The following CENPP variants were observed in gnomAD, a reference collection of about 807,000 sequenced individuals.
The protein encoded by CENPP is centromere protein P.
CENPP carries 24 observed loss-of-function variants against 35.6 expected under a neutral mutation model. That is an observed-to-expected ratio of 0.67 (90% CI 0.49 to 0.95). The LOEUF (loss-of-function observed/expected upper bound fraction) is 0.95, where lower values mean the gene tolerates loss of function less well. CENPP is among the 40% of genes least tolerant of loss of function. The probability of loss-of-function intolerance (pLI) is 0.00; values close to 1 mark genes in which losing one functional copy is unlikely to be tolerated. For synonymous variants in CENPP, 120 were observed against 125.5 expected (o/e 0.96, Z 0.29); for missense variants, 332 against 345.3 (o/e 0.96, Z 0.31).
At chr9:92,464,953 TC>T in intron 5 of CENPP, 1 of 1,613,602 alleles carries the variant, frequency 6.2e-7, no homozygotes, top group Non-Finnish European at 8.5e-7. Context: ...CTTCTGCAAT[TC>T]TGATATGGAA....
chr9:92,474,947 T>C, intron 5 of CENPP: 16 of 1,521,506 alleles, frequency 1.1e-5, no homozygotes, highest in Non-Finnish European at 1.2e-5. Context: ...CATGGGATAT[T>C]AAATTTAAAT....
intron 5 of CENPP, among the ~76,000 whole-genome samples, chr9:92,466,049 T>C (rs1307229441): frequency 6.6e-6 from 1 of 152,124 alleles, no homozygotes. Context: ...GCCAGGCTAG[T>C]CTCAAACTCC....
At chr9:92,394,319 T>G (rs1842803045) in intron 5 of CENPP, among the ~76,000 whole-genome samples, 1 of 152,078 alleles carries the variant, frequency 6.6e-6, no homozygotes, top group Non-Finnish European at 1.5e-5. Flanking sequence ...CTTGGCTCAT[T>G]GCAACCTCCA....
intron 5 of CENPP, chr9:92,417,655 A>G: frequency 1.3e-6 from 1 of 774,314 alleles, no homozygotes; most frequent in South Asian, 1.9e-5. Context: ...CAGTTATATG[A>G]AATGTATTAT....
At chr9:92,602,726 C>G (rs1447470282) in intron 5 of CENPP, among the ~76,000 whole-genome samples, 22 of 152,180 alleles carry the variant, frequency 1.4e-4, no homozygotes, top group Admixed American at 1.4e-3. Context: ...GGTACCATGT[C>G]TCAGCATGGC....
intron 5 of CENPP, among the ~76,000 whole-genome samples, chr9:92,447,419 A>C (rs1286566314): frequency 6.6e-6 from 1 of 152,034 alleles, no homozygotes; most frequent in Non-Finnish European, 1.5e-5. Flanking sequence ...TGTGGTTCAT[A>C]ATAGGGTTTG....
intron 5 of CENPP, among the ~76,000 whole-genome samples, chr9:92,579,065 C>T (rs1290796389): frequency 8.0e-5 from 12 of 150,678 alleles, no homozygotes; most frequent in African/African-American, 2.9e-4. Context: ...GGAATCCTTT[C>T]CCCATTGCTT....
At chr9:92,589,063 C>T (rs1850609052) in intron 5 of CENPP, among the ~76,000 whole-genome samples, 1 of 151,968 alleles carries the variant, frequency 6.6e-6, no homozygotes, top group African/African-American at 2.4e-5. Context: ...CACAATGGCC[C>T]ACACTTGTAA....
chr9:92,449,437 C>CAAAAAAAAAAAAAAAAAAAAAAAA (rs56218626), intron 5 of CENPP, among the ~76,000 whole-genome samples: 1 of 54,958 alleles, frequency 1.8e-5, no homozygotes, highest in Non-Finnish European at 3.4e-5. Flanking sequence ...ACTCTATCTC[C>CAAAAAAAAAAAAAAAAAAAAAAAA]AAAAAAAAAA....
At chr9:92,441,591 T>G (rs1844389036) in intron 5 of CENPP, among the ~76,000 whole-genome samples, 3 of 152,024 alleles carry the variant, frequency 2.0e-5, no homozygotes, top group Admixed American at 2.0e-4. Context: ...AGACTCCACC[T>G]CTACAAAAAA....
chr9:92,567,712 T>G (rs1321414926), intron 5 of CENPP, among the ~76,000 whole-genome samples: 2 of 152,140 alleles, frequency 1.3e-5, no homozygotes, highest in Non-Finnish European at 2.9e-5. Flanking sequence ...GATGTAATTT[T>G]GTGACAGAGC....
intron 5 of CENPP, among the ~76,000 whole-genome samples, chr9:92,530,317 T>G (rs1273700798): frequency 6.6e-6 from 1 of 152,158 alleles, no homozygotes; most frequent in Non-Finnish European, 1.5e-5. Context: ...CATAGATTTA[T>G]CCATGGTGTG....
intron 5 of CENPP, among the ~76,000 whole-genome samples, chr9:92,576,193 T>C (rs1211879419): frequency 1.3e-5 from 2 of 152,228 alleles, no homozygotes; most frequent in Non-Finnish European, 2.9e-5. Context: ...AATTCTGATA[T>C]GTGCTACAAA....
chr9:92,579,454 G>C (rs1265779221), intron 5 of CENPP, among the ~76,000 whole-genome samples: 63 of 149,944 alleles, frequency 4.2e-4, no homozygotes, highest in Non-Finnish European at 6.0e-4. Flanking sequence ...TCTTCCATTT[G>C]TTTGTATCCT....
intron 5 of CENPP, chr9:92,474,947 T>TA (rs750632561): frequency 7.2e-6 from 11 of 1,521,388 alleles, no homozygotes; most frequent in Non-Finnish European, 9.7e-6. Flanking sequence ...CATGGGATAT[T>TA]AAATTTAAAT....
At chr9:92,561,348 C>T (rs976892769) in intron 5 of CENPP, among the ~76,000 whole-genome samples, 1 of 152,132 alleles carries the variant, frequency 6.6e-6, no homozygotes, top group Non-Finnish European at 1.5e-5. Context: ...CATGGAACTG[C>T]AGAAATGGAA....
At chr9:92,393,560 T>C (rs1354754053) in intron 5 of CENPP, among the ~76,000 whole-genome samples, 1 of 152,196 alleles carries the variant, frequency 6.6e-6, no homozygotes, top group Non-Finnish European at 1.5e-5. Flanking sequence ...GCTTGACTTA[T>C]TAAGTTTAAT....
At chr9:92,554,947 A>G (rs1430016963) in intron 5 of CENPP, among the ~76,000 whole-genome samples, 2 of 152,030 alleles carry the variant, frequency 1.3e-5, no homozygotes, top group East Asian at 3.9e-4. Context: ...TCAGTTAGCT[A>G]GTATTTTGTT....
At chr9:92,475,226 T>C (rs1355940552) in intron 5 of CENPP, among the ~76,000 whole-genome samples, 1 of 152,210 alleles carries the variant, frequency 6.6e-6, no homozygotes, top group Non-Finnish European at 1.5e-5. Flanking sequence ...AATTATATAA[T>C]GGTTAAAGGG....
Sources: gnomAD v4.1 joint callset for allele counts (sites outside exome capture counted in the v4.1 genomes callset) on GRCh38, gnomAD v4.1.1 for gene constraint, MANE v1.5 for transcripts, NCBI Gene and HGNC (gene_info 2026-07-23, HGNC 2026-07-21) for gene names.